NIPBL: variants seen among roughly 807,000 people sequenced by gnomAD.
NIPBL encodes the protein NIPBL cohesin loading factor, also known as nipped-B-like protein.
A neutral mutation model predicts 321.8 loss-of-function variants in NIPBL; 19 were observed. The observed-to-expected ratio is 0.06, with a 90% CI of 0.04 to 0.09. The LOEUF (loss-of-function observed/expected upper bound fraction) is 0.09. NIPBL is among the 10% of genes least tolerant of loss of function. The pLI is 1.00. For missense variants in NIPBL, 2,210 were observed against 3,327.0 expected (o/e 0.66, Z 8.26); for synonymous variants, 1,106 against 1,114.1 (o/e 0.99, Z 0.14).
At chr5:37,034,025 A>G (rs1188570544) in intron 32 of NIPBL, among the ~76,000 whole-genome samples, 3 of 152,132 alleles carry the variant, frequency 2.0e-5, no homozygotes, top group Admixed American at 1.3e-4. Context: ...GAATAAATAC[A>G]TAAGAACTTC....
At chr5:36,918,806 T>A (rs1326656504) in intron 1 of NIPBL, among the ~76,000 whole-genome samples, 1 of 152,228 alleles carries the variant, frequency 6.6e-6, no homozygotes, top group Non-Finnish European at 1.5e-5. Context: ...TCTTTGGTTC[T>A]GTTTATATGA....
At chr5:37,025,240 G>A (rs1042389910) in intron 30 of NIPBL, among the ~76,000 whole-genome samples, 8 of 152,138 alleles carry the variant, frequency 5.3e-5, no homozygotes, top group African/African-American at 1.7e-4. Context: ...GCAAGGGTGA[G>A]ACTCCATCTC....
chr5:37,064,206 T>C (rs1335835087), intron 46 of NIPBL: 1 of 1,400,242 alleles, frequency 7.1e-7, no homozygotes, highest in African/African-American at 1.4e-5. Context: ...GCATAAAGGG[T>C]TAATTTTTCT....
At chr5:36,959,122 G>A (rs943380186) in intron 4 of NIPBL, among the ~76,000 whole-genome samples, 1 of 152,116 alleles carries the variant, frequency 6.6e-6, no homozygotes, top group Non-Finnish European at 1.5e-5. Flanking sequence ...TGGGAAGATC[G>A]CTTGAGCTCA....
At position 36,984,764 on chromosome 5, in the gene NIPBL, G is replaced by A. The variant is rs2149643066; in HGVS notation, c.1584G>A (p.Thr528=). 9 of 1,613,754 alleles carry A rather than the reference G, an allele frequency of 5.6e-6. No homozygotes were observed. Among genetic ancestry groups the A allele is most frequent in the African/African-American group, 1.3e-5 (1 of 74,980 alleles). The part of the protein sequence containing the change: ...TGGNRPASQE[T]GSTGNGSRPA... ...GTAATAGACCAGCTTCTCAGGAGACGGGTTCTACGGGAAATGGGTCAAGGC... is the reference window on the plus strand; with the variant it reads ...GTAATAGACCAGCTTCTCAGGAGACAGGTTCTACGGGAAATGGGTCAAGGC... The change falls in exon 10 of 47, where the codon ACG becomes ACA. Residue 528 remains threonine (T), a synonymous_variant. Transcript: ENST00000282516.
At chr5:37,011,340 G>A (rs1748094596) in intron 21 of NIPBL, among the ~76,000 whole-genome samples, 1 of 152,160 alleles carries the variant, frequency 6.6e-6, no homozygotes, top group Non-Finnish European at 1.5e-5. Context: ...CAGATTGCTT[G>A]AGGCCAGGAG....
intron 1 of NIPBL, among the ~76,000 whole-genome samples, chr5:36,920,966 T>C (rs1009894370): frequency 6.6e-6 from 1 of 152,138 alleles, no homozygotes; most frequent in Admixed American, 6.5e-5. Context: ...TATTTTGATC[T>C]TGTCATTCAG....
intron 4 of NIPBL, among the ~76,000 whole-genome samples, chr5:36,958,547 T>C (rs1741244814): frequency 6.6e-6 from 1 of 152,210 alleles, no homozygotes; most frequent in Non-Finnish European, 1.5e-5. Flanking sequence ...AATAAATATT[T>C]GCAAAGCTTT....
chr5:36,990,517 A>G (rs559313091), intron 10 of NIPBL, among the ~76,000 whole-genome samples: 4 of 152,276 alleles, frequency 2.6e-5, no homozygotes, highest in African/African-American at 7.2e-5. Context: ...ATTTTGTTTC[A>G]TTTGTACAGT....
intron 34 of NIPBL, among the ~76,000 whole-genome samples, chr5:37,042,300 T>TG (rs574179563): frequency 4.3e-4 from 65 of 151,202 alleles, no homozygotes; most frequent in Admixed American, 1.7e-3. Context: ...CCAAGCATGG[T>TG]GGTGCGCACC....
At position 36,986,146 on chromosome 5, in the gene NIPBL, T is replaced by C. The variant is rs747958576; in HGVS notation, c.2966T>C (p.Ile989Thr). The part of the protein sequence containing the change: ...KGEPKDKVEK[I>T]GLVEDLNKGA... ...GAGCCGAAAGACAAAGTAGAAAAAA[T>C]AGGATTAGTTGAAGATCTAAATAAA... Residue 989 changes from isoleucine to threonine, a missense_variant, in exon 10 of 47, where the codon ATA becomes ACA. Ile to Thr is a moderately conservative substitution (Grantham distance 89). Coordinates refer to ENST00000282516, the MANE Select transcript of NIPBL (RefSeq NM_133433.4). 8.7e-6 allele frequency: 14 copies of C among 1,613,518 alleles called. No individual in the cohort carries two copies. Among genetic ancestry groups the C allele is most frequent in the African/African-American group, 1.3e-5 (1 of 74,780 alleles).
chr5:37,055,228 G>A lies in NIPBL; in HGVS notation c.7264-1958G>A, dbSNP rs1310348470. Among the ~76,000 whole-genome samples the A allele has an allele frequency of 2.0e-5, 3 of 152,044 alleles. No individual in the cohort carries two copies. The East Asian group carries it at 5.8e-4, about 29-fold the overall frequency. Reference sequence around the variant, plus strand: ...TAGCCAGGCATGATGGCGCGCACCTGTAGTCCCAGCTACTTGGGAGGCTGA... The same window carrying A: ...TAGCCAGGCATGATGGCGCGCACCTATAGTCCCAGCTACTTGGGAGGCTGA... On this transcript the variant is annotated intron_variant, in intron 42 of 46. Transcript: ENST00000282516.
chr5:36,929,665 C>T (rs748106300), intron 1 of NIPBL, among the ~76,000 whole-genome samples: 6 of 152,082 alleles, frequency 3.9e-5, no homozygotes, highest in Non-Finnish European at 8.8e-5. Context: ...CCTAAGGTCA[C>T]AGATGTTTTC....
At chr5:36,943,202 C>T (rs1739306056) in intron 1 of NIPBL, among the ~76,000 whole-genome samples, 1 of 152,030 alleles carries the variant, frequency 6.6e-6, no homozygotes, top group Non-Finnish European at 1.5e-5. Context: ...AGTAAGCTTT[C>T]GGGATACAGA....
intron 1 of NIPBL, among the ~76,000 whole-genome samples, chr5:36,903,582 T>C (rs563701156): frequency 5.4e-4 from 82 of 152,330 alleles, no homozygotes; most frequent in African/African-American, 1.9e-3. Flanking sequence ...GTCTCAAGTA[T>C]GATTTCTGGC....
chr5:37,048,194 C>G (rs558427545), intron 38 of NIPBL, among the ~76,000 whole-genome samples: 1 of 152,138 alleles, frequency 6.6e-6, no homozygotes, highest in African/African-American at 2.4e-5. Flanking sequence ...AGTGGTGGAG[C>G]CAGGAATAGA....
In NIPBL at chr5:36,914,703, A is replaced by G. The variant is rs1025623973; in HGVS notation, c.-80+37525A>G. 4.6e-5 allele frequency among the ~76,000 whole-genome samples: 7 copies of G among 152,340 alleles called. No homozygotes were observed. In the East Asian group the frequency reaches 1.3e-3, roughly 29 times the overall value. On this transcript the variant is annotated intron_variant, in intron 1 of 46. Coordinates refer to ENST00000282516, the MANE Select transcript of NIPBL (RefSeq NM_133433.4). The stretch of plus-strand genomic sequence containing the variant: ...CTTCTGGTTCCAAGAATTGACACTC[A>G]ACCTGAATCACTTTCAGTGACAAAC...
At chr5:36,971,682 T>C (rs2149621241) in intron 7 of NIPBL, 2 of 309,268 alleles carry the variant, frequency 6.5e-6, no homozygotes, top group Non-Finnish European at 9.4e-6. Context: ...GCTCCTTTTG[T>C]AGAAAAAAGC....
chr5:37,026,400 G>A, intron 31 of NIPBL, 73 bp downstream of exon 31: 1 of 827,624 alleles, frequency 1.2e-6, no homozygotes, highest in Non-Finnish European at 2.1e-6. Flanking sequence ...TCTTATGAAG[G>A]AAGAGACAAT....
Sources: gnomAD v4.1 joint callset for allele counts (sites outside exome capture counted in the v4.1 genomes callset) on GRCh38, gnomAD v4.1.1 for gene constraint, MANE v1.5 for transcripts, NCBI Gene and HGNC (gene_info 2026-07-23, HGNC 2026-07-21) for gene names.